The following DTWD2 variants were observed in gnomAD, a reference collection of about 807,000 sequenced individuals.
DTWD2 encodes tRNA-uridine aminocarboxypropyltransferase 2.
In DTWD2, 39 loss-of-function variants were observed where a neutral mutation model predicts 31.8. The ratio of observed to expected loss-of-function variants is 1.22; its 90% confidence interval spans 0.95 to 1.60. DTWD2 has a LOEUF of 1.60. DTWD2 is among the 40% of genes most tolerant of loss of function. The pLI, the probability that DTWD2 is intolerant of heterozygous loss-of-function variation, is 0.00. For synonymous variants in DTWD2, 180 were observed against 142.8 expected (o/e 1.26, Z -1.86); for missense variants, 515 against 381.5 (o/e 1.35, Z -2.92).
At chr5:118,859,294 C>T (rs1456237598) in intron 4 of DTWD2, among the ~76,000 whole-genome samples, 1 of 151,428 alleles carries the variant, frequency 6.6e-6, no homozygotes, top group Non-Finnish European at 1.5e-5. Context: ...GAAAGAATCA[C>T]ATATTCATTA....
chr5:118,905,182 T>G (rs1257710533), intron 4 of DTWD2, among the ~76,000 whole-genome samples: 1 of 152,164 alleles, frequency 6.6e-6, no homozygotes, highest in Non-Finnish European at 1.5e-5. Flanking sequence ...CACATTTGAT[T>G]TGTTAAAATA....
chr5:118,864,876 T>A (rs1752349045), intron 4 of DTWD2, among the ~76,000 whole-genome samples: 1 of 152,142 alleles, frequency 6.6e-6, no homozygotes, highest in Non-Finnish European at 1.5e-5. Context: ...GAACTTTTCT[T>A]TTTAATTGCT....
At chr5:118,952,289 G>A (rs1236664319) in intron 1 of DTWD2, among the ~76,000 whole-genome samples, 2 of 152,300 alleles carry the variant, frequency 1.3e-5, no homozygotes, top group South Asian at 2.1e-4. Context: ...CAAATGTCAC[G>A]CGCGTCCGTG....
chr5:118,901,609 G>A (rs1177444762), intron 4 of DTWD2, among the ~76,000 whole-genome samples: 7 of 151,962 alleles, frequency 4.6e-5, no homozygotes, highest in Non-Finnish European at 8.8e-5. Flanking sequence ...AGAAAATCTT[G>A]TATCCAGCTA....
rs1335663372 is a variant in DTWD2 at position 118,838,856 on chromosome 5, T to TG, written c.*2060dup. Reference sequence around the variant, plus strand: ...AATTTTGAGATACAAAATGGTATACTGGGGGTAGGGGGAGTTTTCTTTTTA... The same window carrying TG: ...AATTTTGAGATACAAAATGGTATACTGGGGGGTAGGGGGAGTTTTCTTTTTA... On this transcript the variant is annotated 3_prime_UTR_variant, in exon 6 of 6. Coordinates refer to ENST00000510708, the MANE Select transcript of DTWD2 (RefSeq NM_173666.4). 1 of 152,040 alleles carries TG rather than the reference T, an allele frequency of 6.6e-6. No individual in the cohort carries two copies. Among genetic ancestry groups the TG allele is most frequent in the African/African-American group, 2.4e-5 (1 of 41,390 alleles). 9.4% of individuals were successfully genotyped at this position (152,040 alleles called of 1,614,324 possible).
At chr5:118,976,740 C>A (rs747510841) in intron 1 of DTWD2, among the ~76,000 whole-genome samples, 21 of 152,250 alleles carry the variant, frequency 1.4e-4, no homozygotes, top group Admixed American at 2.6e-4. Flanking sequence ...GATTCACAGA[C>A]GAATTCTACC....
At chr5:118,866,290 T>A (rs1752379507) in intron 4 of DTWD2, among the ~76,000 whole-genome samples, 1 of 152,324 alleles carries the variant, frequency 6.6e-6, no homozygotes, top group South Asian at 2.1e-4. Flanking sequence ...AAAAATTTTA[T>A]GATTCTTTAA....
intron 4 of DTWD2, among the ~76,000 whole-genome samples, chr5:118,915,078 G>A (rs529257571): frequency 2.2e-4 from 34 of 152,138 alleles, no homozygotes; most frequent in South Asian, 4.2e-4. Context: ...TTAGCTGGGC[G>A]TGGCAGCACA....
At chr5:118,984,096 G>A (rs145587120) in intron 1 of DTWD2, among the ~76,000 whole-genome samples, 1,621 of 152,268 alleles carry the variant, frequency 0.011, 25 homozygotes, top group African/African-American at 0.037. Flanking sequence ...AGACCAGCCT[G>A]ACCAACATGG....
intron 4 of DTWD2, among the ~76,000 whole-genome samples, chr5:118,894,623 C>T (rs951909933): frequency 2.6e-5 from 4 of 152,070 alleles, no homozygotes; most frequent in African/African-American, 7.2e-5. Flanking sequence ...AAAGTCTCAA[C>T]AAAATACTAG....
At chr5:118,958,808 C>T (rs2149592006) in intron 1 of DTWD2, among the ~76,000 whole-genome samples, 1 of 152,236 alleles carries the variant, frequency 6.6e-6, no homozygotes, top group Non-Finnish European at 1.5e-5. Context: ...ATACGCAAAT[C>T]AATAAATGTG....
Position 118,969,590 on chromosome 5 carries a change from A to T in DTWD2, c.218+18704T>A, listed in dbSNP as rs1754936206. Among the ~76,000 whole-genome samples, 3 of 152,234 alleles carry T rather than the reference A, an allele frequency of 2.0e-5. No individual in the cohort carries two copies. In the South Asian group the frequency reaches 6.2e-4, roughly 32 times the overall value. ...CCCAACAACCACAGCAGCCCTATGG[A>T]AGAGTGACCTGTTAAAAGAAAAACA... On this transcript the variant is annotated intron_variant, in intron 1 of 5. Coordinates refer to ENST00000510708, the MANE Select transcript of DTWD2 (RefSeq NM_173666.4).
chr5:118,918,538 C>A (rs920543090), intron 4 of DTWD2, among the ~76,000 whole-genome samples: 3 of 151,432 alleles, frequency 2.0e-5, no homozygotes, highest in Non-Finnish European at 4.4e-5. Context: ...ATTATAGAAA[C>A]AGAATCAAAG....
intron 4 of DTWD2, among the ~76,000 whole-genome samples, chr5:118,871,783 T>C (rs1752510883): frequency 6.6e-6 from 1 of 152,202 alleles, no homozygotes; most frequent in Non-Finnish European, 1.5e-5. Context: ...AAATGACCAC[T>C]GGCATCAACC....
At chr5:118,864,394 G>A (rs1011105475) in intron 4 of DTWD2, among the ~76,000 whole-genome samples, 18 of 151,478 alleles carry the variant, frequency 1.2e-4, no homozygotes, top group Non-Finnish European at 2.2e-4. Context: ...GTGGGGGGAA[G>A]GAGGGAGGGT....
chr5:118,932,836 G>A (rs1309065203), intron 3 of DTWD2, among the ~76,000 whole-genome samples: 1 of 152,024 alleles, frequency 6.6e-6, no homozygotes, highest in Non-Finnish European at 1.5e-5. Context: ...CTTCTCTTTG[G>A]CCACCCAGTA....
intron 4 of DTWD2, among the ~76,000 whole-genome samples, chr5:118,863,384 C>T (rs1432830820): frequency 6.6e-6 from 1 of 152,178 alleles, no homozygotes; most frequent in Admixed American, 6.5e-5. Flanking sequence ...TGTCATCATG[C>T]ACCAAACCAA....
chr5:118,916,898 C>T (rs909497506), intron 4 of DTWD2, among the ~76,000 whole-genome samples: 1 of 152,006 alleles, frequency 6.6e-6, no homozygotes, highest in African/African-American at 2.4e-5. Context: ...CAGAAAGATC[C>T]AGAGGAATAC....
chr5:118,987,499 CA>C (rs1212919498), intron 1 of DTWD2, among the ~76,000 whole-genome samples: 3 of 152,332 alleles, frequency 2.0e-5, no homozygotes, highest in African/African-American at 7.2e-5. Flanking sequence ...TCTCATCTTT[CA>C]AATCTCAGAG....
Sources: gnomAD v4.1 joint callset for allele counts (sites outside exome capture counted in the v4.1 genomes callset) on GRCh38, gnomAD v4.1.1 for gene constraint, MANE v1.5 for transcripts, NCBI Gene and HGNC (gene_info 2026-07-23, HGNC 2026-07-21) for gene names.